Variants in ENTPD1 observed in about 807,000 individuals in gnomAD.
ENTPD1 encodes ATP diphosphohydrolase.
In ENTPD1, 33 loss-of-function variants were observed where a neutral mutation model predicts 57.0. The observed-to-expected ratio is 0.58, with a 90% CI of 0.44 to 0.77. ENTPD1 has a LOEUF of 0.77. Among genes scored for constraint, ENTPD1 ranks in the 30% least tolerant of loss-of-function variants. ENTPD1 has a pLI of 0.00. For missense variants in ENTPD1, 501 were observed against 603.4 expected (o/e 0.83, Z 1.78); for synonymous variants, 202 against 218.8 (o/e 0.92, Z 0.68).
At chr10:95,865,853 A>G (rs887900249) in intron 9 of ENTPD1, among the ~76,000 whole-genome samples, 1 of 151,956 alleles carries the variant, frequency 6.6e-6, no homozygotes, top group African/African-American at 2.4e-5. Flanking sequence ...CTGAAGCCTC[A>G]AACTCCTGGG....
rs1254485891 is a variant in ENTPD1, at chr10:95,875,014, G to A, written c.*8631G>A. The A allele has an allele frequency of 6.6e-6, 1 of 152,250 alleles. No homozygotes were observed. The highest frequency in any genetic ancestry group is 1.5e-5 in the Non-Finnish European group (1 of 68,070). The allele number at this position is 152,250 out of a possible 1,614,324, so 9.4% of individuals were successfully genotyped here. A position where few individuals can be genotyped will look rare whatever the true frequency, so the allele number is the denominator to read the frequency against. The stretch of plus-strand genomic sequence containing the variant: ...TTTTTCCTCCTGGGCCTCTGGGCCT[G>A]TGATGGGAGGGGCTGCCATGAAGGT... On this transcript the variant is annotated 3_prime_UTR_variant, in exon 10 of 10. Coordinates refer to ENST00000371205, the MANE Select transcript of ENTPD1 (RefSeq NM_001776.6).
chr10:95,737,004 C>T (rs892918868), intron 1 of ENTPD1, among the ~76,000 whole-genome samples: 1 of 152,210 alleles, frequency 6.6e-6, no homozygotes, highest in African/African-American at 2.4e-5. Context: ...AGAGCCTCCA[C>T]TTGAGTCTAC....
chr10:95,777,049 T>C (rs1471501333), intron 1 of ENTPD1, among the ~76,000 whole-genome samples: 1 of 152,200 alleles, frequency 6.6e-6, no homozygotes, highest in East Asian at 1.9e-4. Context: ...TTCAAGGTTT[T>C]TAGCTTCCTT....
intron 1 of ENTPD1, among the ~76,000 whole-genome samples, chr10:95,749,087 G>A (rs7096317): frequency 0.54 from 81,969 of 151,944 alleles, 22,534 homozygotes; most frequent in Admixed American, 0.63. Flanking sequence ...TATTGTTTAT[G>A]TTCATTCCTT....
At chr10:95,825,848 G>A (rs1010118504) in intron 2 of ENTPD1, among the ~76,000 whole-genome samples, 2 of 152,304 alleles carry the variant, frequency 1.3e-5, no homozygotes, top group Non-Finnish European at 1.5e-5. Context: ...AAAATGCTGG[G>A]ATTACAGGCG....
intron 1 of ENTPD1, among the ~76,000 whole-genome samples, chr10:95,809,665 C>T (rs1216985882): frequency 1.0e-4 from 15 of 142,866 alleles, no homozygotes; most frequent in Admixed American, 2.7e-4. Flanking sequence ...TGCTCCCCAC[C>T]TCCCAGACGG....
chr10:95,866,501 T>C lies in ENTPD1; in HGVS notation c.*118T>C. The C allele has an allele frequency of 1.9e-6, 3 of 1,544,448 alleles. No homozygotes were observed. Among genetic ancestry groups the C allele is most frequent in the Non-Finnish European group, 2.6e-6 (3 of 1,146,404 alleles). On this transcript the variant is annotated 3_prime_UTR_variant, in exon 10 of 10. Coordinates refer to ENST00000371205, the MANE Select transcript of ENTPD1 (RefSeq NM_001776.6). Reference sequence around the variant, plus strand: ...GTCTGCCAGGGCCAGTCTTGACGAGTGTGAAGCTTCCTTGGCTTTTACTGA... The same window carrying C: ...GTCTGCCAGGGCCAGTCTTGACGAGCGTGAAGCTTCCTTGGCTTTTACTGA...
intron 1 of ENTPD1, among the ~76,000 whole-genome samples, chr10:95,748,935 T>A (rs986130363): frequency 6.6e-6 from 1 of 152,220 alleles, no homozygotes; most frequent in Non-Finnish European, 1.5e-5. Context: ...ATCCGTGCCC[T>A]CTTTTCCCCA....
chr10:95,870,387 C>A lies in ENTPD1; in HGVS notation c.*4004C>A. The A allele has an allele frequency of 1.2e-6, 1 of 806,276 alleles. No individual in the cohort carries two copies. The highest frequency in any genetic ancestry group is 1.5e-6 in the Non-Finnish European group (1 of 666,672). The allele number at this position is 806,276 out of a possible 1,614,324, so 49.9% of individuals were successfully genotyped here. A position where few individuals can be genotyped will look rare whatever the true frequency, so the allele number is the denominator to read the frequency against. ...GCAGCCTCGACCTCCCAAGCTCAAGCAAGGCTACAGGTGTGCACCTAAGTA... is the reference window on the plus strand; with the variant it reads ...GCAGCCTCGACCTCCCAAGCTCAAGAAAGGCTACAGGTGTGCACCTAAGTA... On this transcript the variant is annotated 3_prime_UTR_variant, in exon 10 of 10. Transcript: ENST00000371205.
rs2098463584 is a variant in ENTPD1 at position 95,860,522 on chromosome 10, A to T, written c.1128A>T (p.Lys376Asn). ...AGTTTTTAAACTTGACATCAGAGAA[A>T]GTCTCTCAGGAAAAGGTGACTGAGA... ...VMKFLNLTSE[K>N]VSQEKVTEMM... Residue 376 changes from lysine (K) to asparagine (N), a missense_variant, in exon 8 of 10, where the codon AAA becomes AAT. Physicochemically the swap from Lys to Asn is moderately conservative, Grantham distance 94. Coordinates refer to ENST00000371205, the MANE Select transcript of ENTPD1 (RefSeq NM_001776.6). 2 of 1,613,890 alleles carry T rather than the reference A, an allele frequency of 1.2e-6. No individual in the cohort carries two copies. The highest frequency in any genetic ancestry group is 2.7e-5 in the African/African-American group (2 of 74,922).
At chr10:95,763,278 A>G (rs1325845502) in intron 1 of ENTPD1, among the ~76,000 whole-genome samples, 2 of 152,062 alleles carry the variant, frequency 1.3e-5, no homozygotes, top group Admixed American at 6.5e-5. Flanking sequence ...ACACATTTTT[A>G]TATGTGGTGT....
chr10:95,706,514 TCTG>T, the ENTPD1 span, among the ~76,000 whole-genome samples: 1 of 152,322 alleles, frequency 6.6e-6, no homozygotes, highest in African/African-American at 2.4e-5. Context: ...CGTCCCATCA[TCTG>T]CTGCTCTCAG....
intron 1 of ENTPD1, among the ~76,000 whole-genome samples, chr10:95,800,131 C>A (rs1485287443): frequency 6.6e-6 from 1 of 152,030 alleles, no homozygotes; most frequent in Admixed American, 6.6e-5. Context: ...GAACCAGCCC[C>A]CAATATTTCA....
the ENTPD1 span, among the ~76,000 whole-genome samples, chr10:95,697,132 G>T: frequency 6.6e-6 from 1 of 152,198 alleles, no homozygotes; most frequent in South Asian, 2.1e-4. Context: ...GACTCTTGGA[G>T]TGCTCTAAGC....
intron 2 of ENTPD1, among the ~76,000 whole-genome samples, chr10:95,835,151 G>A (rs570612274): frequency 6.6e-6 from 1 of 152,186 alleles, no homozygotes; most frequent in African/African-American, 2.4e-5. Context: ...GTGTTCATGT[G>A]TACCCAACGT....
At chr10:95,719,477 C>T (rs1471473855) in intron 1 of ENTPD1, among the ~76,000 whole-genome samples, 1 of 152,156 alleles carries the variant, frequency 6.6e-6, no homozygotes, top group Non-Finnish European at 1.5e-5. Flanking sequence ...CCAAGGAACC[C>T]TCGTAGTTGC....
intron 7 of ENTPD1, among the ~76,000 whole-genome samples, chr10:95,856,016 A>G (rs1349435975): frequency 6.6e-6 from 1 of 152,166 alleles, no homozygotes; most frequent in Non-Finnish European, 1.5e-5. Context: ...CTCCTGGATA[A>G]TATCCCGCAG....
chr10:95,794,031 A>G, intron 1 of ENTPD1, among the ~76,000 whole-genome samples: 1 of 152,342 alleles, frequency 6.6e-6, no homozygotes, highest in East Asian at 1.9e-4. Flanking sequence ...ATTGTATGAT[A>G]TGAATTGGAT....
chr10:95,845,990 G>T, intron 6 of ENTPD1: 1 of 181,790 alleles, frequency 5.5e-6, no homozygotes, highest in South Asian at 1.1e-4. Context: ...TGTTAGAAAT[G>T]ACCTGGAGAG....
Sources: gnomAD v4.1 joint callset for allele counts (sites outside exome capture counted in the v4.1 genomes callset) on GRCh38, gnomAD v4.1.1 for gene constraint, MANE v1.5 for transcripts, NCBI Gene and HGNC (gene_info 2026-07-23, HGNC 2026-07-21) for gene names.